RPTOR: variants seen among roughly 807,000 people sequenced by gnomAD.
RPTOR encodes regulatory-associated protein of mTOR.
A neutral mutation model predicts 169.9 loss-of-function variants in RPTOR; 21 were observed. The ratio of observed to expected loss-of-function variants is 0.12; its 90% CI spans 0.09 to 0.18. The LOEUF (loss-of-function observed/expected upper bound fraction) is 0.18, where lower values mean the gene tolerates loss of function less well. RPTOR is among the 10% of genes least tolerant of loss of function. RPTOR has a pLI of 1.00. For missense variants in RPTOR, 1,133 were observed against 1,855.9 expected (o/e 0.61, Z 7.16); for synonymous variants, 732 against 753.2 (o/e 0.97, Z 0.46).
intron 5 of RPTOR, among the ~76,000 whole-genome samples, chr17:80,734,363 C>A (rs150562917): frequency 6.6e-6 from 1 of 152,156 alleles, no homozygotes; most frequent in Non-Finnish European, 1.5e-5. Context: ...CTCCAGGATC[C>A]GTCCCTGTGT....
chr17:80,637,284 C>T (rs2065515249), intron 2 of RPTOR, among the ~76,000 whole-genome samples: 1 of 152,224 alleles, frequency 6.6e-6, no homozygotes, highest in Non-Finnish European at 1.5e-5. Context: ...GTCATGGCCT[C>T]CCTGCTAGGT....
At chr17:80,902,904 C>T (rs764871374) in intron 20 of RPTOR, among the ~76,000 whole-genome samples, 19 of 152,240 alleles carry the variant, frequency 1.2e-4, no homozygotes, top group Non-Finnish European at 2.5e-4. Context: ...TGCTGAGAGG[C>T]GAGGCGGGAG....
intron 1 of RPTOR, among the ~76,000 whole-genome samples, chr17:80,569,868 A>C (rs527445253): frequency 6.6e-6 from 1 of 151,992 alleles, no homozygotes; most frequent in Non-Finnish European, 1.5e-5. Context: ...GTGCTTCATG[A>C]GGTCCCTTAA....
At chr17:80,841,373 A>G (rs1170469343) in intron 10 of RPTOR, among the ~76,000 whole-genome samples, 10 of 118,290 alleles carry the variant, frequency 8.5e-5, no homozygotes, top group Non-Finnish European at 1.4e-4. Context: ...ACCGCAGCTC[A>G]CACTCACCGC....
chr17:80,780,699 G>A (rs12149993), intron 6 of RPTOR, among the ~76,000 whole-genome samples: 1 of 151,970 alleles, frequency 6.6e-6, no homozygotes, highest in Non-Finnish European at 1.5e-5. Context: ...CAGGTGAGTC[G>A]TAAGAGTCAC....
chr17:80,789,037 A>G (rs1003180687), intron 6 of RPTOR, among the ~76,000 whole-genome samples: 1 of 152,258 alleles, frequency 6.6e-6, no homozygotes, highest in African/African-American at 2.4e-5. Context: ...TCATATAGCC[A>G]TGCTATAATA....
intron 2 of RPTOR, among the ~76,000 whole-genome samples, chr17:80,642,258 T>C (rs1056490745): frequency 6.6e-6 from 1 of 152,074 alleles, no homozygotes; most frequent in African/African-American, 2.4e-5. Flanking sequence ...TGTCTCAGCC[T>C]CCTGAGTTGC....
intron 20 of RPTOR, among the ~76,000 whole-genome samples, chr17:80,899,305 T>C (rs1418504386): frequency 1.3e-5 from 2 of 152,236 alleles, no homozygotes; most frequent in East Asian, 3.8e-4. Flanking sequence ...ATAGAATTAA[T>C]GTTACATATA....
chr17:80,901,382 T>TC (rs1296559110), intron 20 of RPTOR, among the ~76,000 whole-genome samples: 4 of 152,044 alleles, frequency 2.6e-5, no homozygotes, highest in Admixed American at 6.5e-5. Flanking sequence ...TTCCTGACTT[T>TC]TTTTTTTTTA....
At chr17:80,560,746 C>T (rs2143252008) in intron 1 of RPTOR, among the ~76,000 whole-genome samples, 1 of 152,280 alleles carries the variant, frequency 6.6e-6, no homozygotes, top group Middle Eastern at 3.4e-3. Flanking sequence ...ATTCCCTTCC[C>T]ACACTGCCAC....
At chr17:80,582,921 T>C (rs1599574087) in intron 1 of RPTOR, among the ~76,000 whole-genome samples, 1 of 150,804 alleles carries the variant, frequency 6.6e-6, no homozygotes, top group Non-Finnish European at 1.5e-5. Context: ...TTTTTCTTTT[T>C]TTTTTTTTGA....
intron 20 of RPTOR, among the ~76,000 whole-genome samples, chr17:80,904,762 C>T (rs959612898): frequency 2.0e-5 from 3 of 152,116 alleles, no homozygotes; most frequent in African/African-American, 4.8e-5. Flanking sequence ...GATTTTACAA[C>T]AGGACAGTTC....
In RPTOR at chr17:80,876,493, TC is replaced by T. The variant is rs1220727923; in HGVS notation, c.1510-3919del. Among the ~76,000 whole-genome samples, 100 of 11,778 alleles carry T rather than the reference TC, an allele frequency of 8.5e-3. 39 individuals are homozygous for T. Among genetic ancestry groups the T allele is most frequent in the East Asian group, 0.013 (6 of 452 alleles). 7.7% of individuals were successfully genotyped at this position (11,778 alleles called of 152,430 possible). On this transcript the variant is annotated intron_variant, in intron 13 of 33. Transcript: ENST00000306801. ...GGTGTGTGTGTCGCCTGCCGTGTCT[TC>T]CCACCGAGCCCGTGCCACGCAGGGT...
intron 16 of RPTOR, among the ~76,000 whole-genome samples, chr17:80,884,180 G>T (rs1248761307): frequency 6.6e-6 from 1 of 152,220 alleles, no homozygotes; most frequent in Non-Finnish European, 1.5e-5. Context: ...CGCTCCCGGG[G>T]ACAGTGGCAC....
intron 20 of RPTOR, among the ~76,000 whole-genome samples, chr17:80,902,314 C>T (rs961935370): frequency 6.6e-6 from 1 of 152,244 alleles, no homozygotes; most frequent in African/African-American, 2.4e-5. Flanking sequence ...CCTTCAGCCT[C>T]CTGCCCCCCG....
chr17:80,637,752 G>A (rs2065519323), intron 2 of RPTOR, among the ~76,000 whole-genome samples: 2 of 152,234 alleles, frequency 1.3e-5, no homozygotes, highest in African/African-American at 4.8e-5. Flanking sequence ...TTTGTCAGAT[G>A]TGTGGAAATT....
intron 24 of RPTOR, among the ~76,000 whole-genome samples, chr17:80,925,935 A>G (rs1421981429): frequency 2.6e-5 from 4 of 152,240 alleles, no homozygotes; most frequent in Non-Finnish European, 2.9e-5. Flanking sequence ...CTGTGGACGC[A>G]GTGGCTGTGT....
intron 6 of RPTOR, among the ~76,000 whole-genome samples, chr17:80,771,597 C>G (rs1429882661): frequency 6.6e-6 from 1 of 151,252 alleles, no homozygotes; most frequent in Admixed American, 6.6e-5. Context: ...GGTGTTTACC[C>G]TGGTTGTTTG....
chr17:80,616,467 T>G (rs1358692652), intron 1 of RPTOR, among the ~76,000 whole-genome samples: 1 of 152,090 alleles, frequency 6.6e-6, no homozygotes, highest in East Asian at 1.9e-4. Context: ...CCTGGCTAAT[T>G]TTTGTGTTTT....
Sources: allele counts gnomAD v4.1 joint callset (sites outside exome capture counted in the v4.1 genomes callset), GRCh38; gene constraint gnomAD v4.1.1; transcripts MANE v1.5; gene names NCBI Gene and HGNC (gene_info 2026-07-23, HGNC 2026-07-21).